Variants in SORBS3 observed in about 807,000 individuals in gnomAD.
The protein encoded by SORBS3 is sorbin and SH3 domain containing 3, also known as vinexin.
In SORBS3, 69 loss-of-function variants were observed where a neutral mutation model predicts 98.0. That is an observed-to-expected ratio of 0.70 (90% CI 0.58 to 0.86). The LOEUF (loss-of-function observed/expected upper bound fraction) is 0.86. Among genes scored for constraint, SORBS3 ranks in the 40% least tolerant of loss-of-function variants. The pLI is 0.00. For synonymous variants in SORBS3, 394 were observed against 355.4 expected (o/e 1.11, Z -1.22); for missense variants, 954 against 908.5 (o/e 1.05, Z -0.64).
In SORBS3 at chr8:22,571,742, C is replaced by G. The variant is rs758665856; in HGVS notation, c.1768C>G (p.Leu590Val). Residue 590 changes from leucine to valine, a missense_variant, in exon 19 of 21, where the codon CTG becomes GTG. Leu to Val is a conservative substitution (Grantham distance 32, BLOSUM62 1). Transcript: ENST00000240123. The stretch of plus-strand genomic sequence containing the variant: ...GAATCTTGGCACCCCTGGTCCAGCT[C>G]TGTCCCACTCTCGAGGTCCCAGCCA... ...TQNLGTPGPA[L>V]SHSRGPSHPL... The G allele has an allele frequency of 1.2e-6, 2 of 1,613,986 alleles. No homozygotes were observed. The highest frequency in any genetic ancestry group is 1.7e-5 in the Admixed American group (1 of 60,026).
In SORBS3 at chr8:22,561,419, G is replaced by A. The variant is rs142403383; in HGVS notation, c.517+46G>A. 3.3e-4 allele frequency: 536 copies of A among 1,609,182 alleles called. 1 individual carries two copies. The African/African-American group carries it at 5.9e-3, about 18-fold the overall frequency. On this transcript the variant is annotated intron_variant, in intron 6 of 20. Coordinates refer to ENST00000240123, the MANE Select transcript of SORBS3 (RefSeq NM_005775.5). ...CTGCCTGCCATAGCCCTGCGCCTGC[G>A]TCCGCCCCTCCCTGGGGCTGGGACT... is the stretch of plus-strand genomic sequence containing the variant.
At chr8:22,548,242 G>T (rs942561207), upstream of SORBS3, among the ~76,000 whole-genome samples, 1 of 152,208 alleles carries the variant, frequency 6.6e-6, no homozygotes, top group African/African-American at 2.4e-5. Context: ...TCTTCTGCCT[G>T]CTCCTGTTCC....
chr8:22,557,050 G>T, intron 4 of SORBS3, 142 bp downstream of exon 4: 5 of 948,942 alleles, frequency 5.3e-6, no homozygotes, highest in Non-Finnish European at 7.8e-6. Flanking sequence ...ACCGTGGTGG[G>T]GTTCAGCGGC....
chr8:22,556,894 A>G lies in SORBS3; in HGVS notation c.400A>G (p.Ile134Val), dbSNP rs1359978017. 1 of 1,612,836 alleles carries G rather than the reference A, an allele frequency of 6.2e-7. No individual in the cohort carries two copies. Among genetic ancestry groups the G allele is most frequent in the Non-Finnish European group, 8.5e-7 (1 of 1,180,026 alleles). ...IGPVDESGMP[I>V]APRSSVDRPR... Reference sequence around the variant, plus strand: ...GCCCGTGGACGAGAGCGGCATGCCCATTGCCCCCCGATCCGTGAGTCCAGG... The same window carrying G: ...GCCCGTGGACGAGAGCGGCATGCCCGTTGCCCCCCGATCCGTGAGTCCAGG... The change falls in exon 4 of 21, where the codon ATT becomes GTT. Residue 134 changes from isoleucine to valine, a missense_variant. Ile to Val is a conservative substitution (Grantham distance 29). Coordinates refer to ENST00000240123, the MANE Select transcript of SORBS3 (RefSeq NM_005775.5).
intron 16 of SORBS3, among the ~76,000 whole-genome samples, chr8:22,568,536 C>T (rs898983677): frequency 8.5e-5 from 13 of 152,154 alleles, no homozygotes; most frequent in African/African-American, 3.1e-4. Flanking sequence ...CATTAGGCCT[C>T]CCTTGCTTAC....
At position 22,560,112 on chromosome 8, in the gene SORBS3, T is replaced by C. The variant is rs1586894392; in HGVS notation, c.479-1223T>C. On this transcript the variant is annotated intron_variant, in intron 5 of 20. Transcript: ENST00000240123. The stretch of plus-strand genomic sequence containing the variant: ...TGATTTAAAGTTTCCCCAGTAATTC[T>C]AGTGGGGAAACTTTAAACTTTTAAC... Among the ~76,000 whole-genome samples the C allele has an allele frequency of 3.3e-5, 5 of 151,794 alleles. 1 individual carries two copies. The highest frequency in any genetic ancestry group is 3.3e-4 in the Admixed American group (5 of 15,260).
intron 16 of SORBS3, 126 bp from the exon 17 acceptor site, chr8:22,569,022 C>T: frequency 1.0e-6 from 1 of 1,003,966 alleles, no homozygotes; most frequent in Non-Finnish European, 1.4e-6. Flanking sequence ...GGGCTTGTGT[C>T]TGGTGTTTAT....
chr8:22,549,459 A>G (rs1296507294), upstream of SORBS3, among the ~76,000 whole-genome samples: 3 of 152,184 alleles, frequency 2.0e-5, no homozygotes, highest in Non-Finnish European at 4.4e-5. Flanking sequence ...AAACCCTGCT[A>G]CTTTTCCCCC....
At chr8:22,561,078 G>T (rs1840285431) in intron 5 of SORBS3, 1 of 442,746 alleles carries the variant, frequency 2.3e-6, no homozygotes, top group Non-Finnish European at 4.0e-6. Flanking sequence ...GTGGGAACAG[G>T]GAGGGAGGAG....
At position 22,566,690 on chromosome 8, in the gene SORBS3, C is replaced by T. The variant is rs373271584; in HGVS notation, c.1120C>T (p.Pro374Ser). The T allele has an allele frequency of 1.2e-6, 2 of 1,611,272 alleles. No homozygotes were observed. The highest frequency in any genetic ancestry group is 2.7e-5 in the African/African-American group (2 of 74,628). Reference sequence around the variant, plus strand: ...TAGTGCCTCTAACGGAGGGGGCAGCCCAGCCAGGAGGGAAGAGAAGAAGGT... The same window carrying T: ...TAGTGCCTCTAACGGAGGGGGCAGCTCAGCCAGGAGGGAAGAGAAGAAGGT... ...DPSASNGGGS[P>S]ARREEKKRKA... Residue 374 changes from proline (P) to serine (S), a missense_variant, in exon 14 of 21, where the codon CCA becomes TCA. Transcript: ENST00000240123.
Position 22,566,647 on chromosome 8 carries a change from G to T in SORBS3, c.1091-14G>T. The T allele has an allele frequency of 6.3e-7, 1 of 1,597,192 alleles. No homozygotes were observed. Among genetic ancestry groups the T allele is most frequent in the East Asian group, 2.2e-5 (1 of 44,752 alleles). ...GGTATGGCCTCCCCAAGCTGAGGTT[G>T]TGCTTCTCCACAGACCCTAGTGCCT... On this transcript the variant is annotated splice_polypyrimidine_tract_variant and intron_variant, in intron 13 of 20. Transcript: ENST00000240123.
chr8:22,547,876 C>T (rs1840032044), upstream of SORBS3, among the ~76,000 whole-genome samples: 1 of 152,196 alleles, frequency 6.6e-6, no homozygotes, highest in African/African-American at 2.4e-5. Flanking sequence ...ATCAAAACTT[C>T]CTTGAGGACA....
In SORBS3 at chr8:22,556,718, C is replaced by T; in HGVS notation, c.224C>T (p.Pro75Leu). The T allele has an allele frequency of 6.2e-7, 1 of 1,613,726 alleles. No individual in the cohort carries two copies. The change falls in exon 4 of 21, where the codon CCT (proline) becomes CTT (leucine). Residue 75 changes from proline to leucine, a missense_variant. By Grantham distance (98) the Pro-to-Leu change is moderately conservative. Transcript: ENST00000240123. ...PRRDASQHPD[P>L]AWYQTWPGPG... The stretch of plus-strand genomic sequence containing the variant: ...CTCTCCTGCACGCACCCAACAGACC[C>T]TGCGTGGTATCAGACCTGGCCAGGC...
chr8:22,558,864 C>A (rs1197319614), intron 5 of SORBS3, among the ~76,000 whole-genome samples: 2 of 152,164 alleles, frequency 1.3e-5, no homozygotes, highest in Non-Finnish European at 2.9e-5. Context: ...CCTGGCAGAG[C>A]TGGGGGAAGC....
intron 17 of SORBS3, among the ~76,000 whole-genome samples, chr8:22,570,128 T>C (rs772643446): frequency 6.6e-6 from 1 of 152,178 alleles, no homozygotes; most frequent in Non-Finnish European, 1.5e-5. Flanking sequence ...CTTTGGTTGA[T>C]TTTGGGAGCA....
At chr8:22,559,238 G>A (rs982151883) in intron 5 of SORBS3, among the ~76,000 whole-genome samples, 3 of 152,204 alleles carry the variant, frequency 2.0e-5, no homozygotes, top group Non-Finnish European at 2.9e-5. Context: ...TTAGACCAGG[G>A]CGGTAGCAGT....
upstream of SORBS3, among the ~76,000 whole-genome samples, chr8:22,548,640 T>A (rs1341388199): frequency 6.6e-6 from 1 of 152,192 alleles, no homozygotes; most frequent in Non-Finnish European, 1.5e-5. Flanking sequence ...ATGGGGGTAC[T>A]GAGGCACAGA....
At chr8:22,545,873 A>G (rs1238293272) in intron 1 of SORBS3, among the ~76,000 whole-genome samples, 5 of 152,216 alleles carry the variant, frequency 3.3e-5, no homozygotes, top group Admixed American at 2.0e-4. Flanking sequence ...CTTTTTGAGG[A>G]TGACACTGTA....
chr8:22,565,629 G>GCCCCAGCCTCGGGGA, intron 11 of SORBS3, 197 bp from the exon 12 acceptor site: 1 of 1,064,452 alleles, frequency 9.4e-7, no homozygotes, highest in East Asian at 3.6e-5. Flanking sequence ...CGGCCCCCGG[G>GCCCCAGCCTCGGGGA]CCCCAGCCTC....
Sources: allele counts gnomAD v4.1 joint callset (sites outside exome capture counted in the v4.1 genomes callset), GRCh38; gene constraint gnomAD v4.1.1; transcripts MANE v1.5; gene names NCBI Gene and HGNC (gene_info 2026-07-23, HGNC 2026-07-21).